XRRA1: variants seen among roughly 807,000 people sequenced by gnomAD.
XRRA1 encodes the protein X-ray radiation resistance-associated protein 1.
XRRA1 carries 69 observed loss-of-function variants against 80.2 expected under a neutral mutation model. The observed-to-expected ratio is 0.86, with a 90% confidence interval of 0.71 to 1.05. The LOEUF (loss-of-function observed/expected upper bound fraction) is 1.05, where lower values mean the gene tolerates loss of function less well. XRRA1 is among the 50% of genes least tolerant of loss of function. The probability of loss-of-function intolerance (pLI) is 0.00; values close to 1 mark genes in which losing one functional copy is unlikely to be tolerated. For synonymous variants in XRRA1, 348 were observed against 389.9 expected (o/e 0.89, Z 1.27); for missense variants, 967 against 976.4 (o/e 0.99, Z 0.13).
In XRRA1 at chr11:74,859,157, C is replaced by A; in HGVS notation, c.1170+1G>T. 6.3e-7 allele frequency: 1 copy of A among 1,593,470 alleles called. No individual in the cohort carries two copies. Among genetic ancestry groups the A allele is most frequent in the Non-Finnish European group, 8.5e-7 (1 of 1,174,064 alleles). ...TAAACAGGAGAGGAGCAGAAAGTCA[C>A]CTTGTTGTAGGCCAGGCTAAGGTAT... On this transcript the variant is annotated splice_donor_variant, in intron 12 of 18. Coordinates refer to ENST00000684022, the MANE Select transcript of XRRA1 (RefSeq NM_001378157.1). LOFTEE classifies it high-confidence loss of function.
At chr11:74,936,842 C>G in intron 4 of XRRA1, 42 bp downstream of exon 4, 2 of 1,581,950 alleles carry the variant, frequency 1.3e-6, no homozygotes, top group South Asian at 1.2e-5. Flanking sequence ...CCTCCCCACC[C>G]TAGCTGATGT....
At chr11:74,845,658 A>C (rs888967791) in intron 15 of XRRA1, among the ~76,000 whole-genome samples, 3 of 152,224 alleles carry the variant, frequency 2.0e-5, no homozygotes, top group Admixed American at 2.0e-4. Flanking sequence ...AGAGGTAAGA[A>C]ACATCAAGGT....
rs1178937807 is a variant in XRRA1 at position 74,937,021 on chromosome 11, GCTT to G, written c.139_141del (p.Lys47del). On this transcript the variant is annotated inframe_deletion, in exon 4 of 19. Transcript: ENST00000684022. Reference sequence around the variant, plus strand: ...GCTTGTGCTCCAACCAAACCCTTGGGCTTCTTCTTGAGGTTACCTTTCTGAACC... The same window carrying G: ...GCTTGTGCTCCAACCAAACCCTTGGGCTTCTTGAGGTTACCTTTCTGAACC... The G allele has an allele frequency of 6.2e-7, 1 of 1,613,864 alleles. No homozygotes were observed. The highest frequency in any genetic ancestry group is 8.5e-7 in the Non-Finnish European group (1 of 1,179,880).
chr11:74,911,449 C>T (rs560766261), intron 8 of XRRA1: 1 of 152,260 alleles, frequency 6.6e-6, no homozygotes, highest in South Asian at 2.1e-4. Context: ...TATTCTCCCC[C>T]TCATATATAA....
intron 10 of XRRA1, among the ~76,000 whole-genome samples, chr11:74,881,470 G>T (rs1445449812): frequency 0.017 from 2,558 of 148,020 alleles, 35 homozygotes; most frequent in African/African-American, 0.062. Flanking sequence ...TACATTTAAA[G>T]TTAATATTGT....
chr11:74,932,212 T>C (rs969430885), intron 5 of XRRA1, among the ~76,000 whole-genome samples: 87 of 152,338 alleles, frequency 5.7e-4, no homozygotes, highest in African/African-American at 2.0e-3. Flanking sequence ...TTTTGTTAGA[T>C]AGATATTTTT....
In XRRA1 at chr11:74,848,160, T is replaced by G. The variant is rs2038792455; in HGVS notation, c.1683A>C (p.Pro561=). ...CTGTGCTCTTGGAGTCCTCATCTGA[T>G]GGGCGCTCTGGGCTGAGGCGGACAG... is the stretch of plus-strand genomic sequence containing the variant. ...DTTVRLSPER[P]SDEDSKSTES... The change falls in exon 15 of 19, where the codon CCA becomes CCC. Residue 561 remains proline (P), a synonymous_variant. Coordinates refer to ENST00000684022, the MANE Select transcript of XRRA1 (RefSeq NM_001378157.1). 6.2e-7 allele frequency: 1 copy of G among 1,613,184 alleles called. No homozygotes were observed. The highest frequency in any genetic ancestry group is 1.7e-5 in the Admixed American group (1 of 60,004).
chr11:74,916,833 T>C (rs1179934280), intron 8 of XRRA1, among the ~76,000 whole-genome samples: 2 of 152,340 alleles, frequency 1.3e-5, no homozygotes, highest in African/African-American at 4.8e-5. Flanking sequence ...TGTTTGATTA[T>C]TGCAGGCTGT....
rs1565202953 is a variant in XRRA1, at chr11:74,843,316, T to C, written c.2287A>G (p.Thr763Ala). Residue 763 changes from threonine to alanine, a missense_variant, in exon 19 of 19, where the codon ACC (threonine) becomes GCC (alanine). Thr to Ala is a moderately conservative substitution (Grantham distance 58, BLOSUM62 0). Coordinates refer to ENST00000684022, the MANE Select transcript of XRRA1 (RefSeq NM_001378157.1). ...SGSLRTVFGT[T>A]PLPMACPALS... ...GCTGGGCAGGCCATGGGGAGCGGGG[T>C]AGTCCCGAACACTGTGCGCAGAGAG... is the stretch of plus-strand genomic sequence containing the variant. 1 of 1,605,454 alleles carries C rather than the reference T, an allele frequency of 6.2e-7. No homozygotes were observed. The highest frequency in any genetic ancestry group is 8.5e-7 in the Non-Finnish European group (1 of 1,176,270).
At chr11:74,850,798 G>C (rs2039616860) in intron 14 of XRRA1, 1 of 177,766 alleles carries the variant, frequency 5.6e-6, no homozygotes, top group African/African-American at 2.4e-5. Flanking sequence ...GGCCTCCAAA[G>C]TGCTGGGATT....
At position 74,841,935 on chromosome 11, in the gene XRRA1, A is replaced by G. The variant is rs1462393679; in HGVS notation, c.*1265T>C. 1 of 152,306 alleles carries G rather than the reference A, an allele frequency of 6.6e-6. No individual in the cohort carries two copies. Among genetic ancestry groups the G allele is most frequent in the Non-Finnish European group, 1.5e-5 (1 of 68,044 alleles). The allele number at this position is 152,306 out of a possible 1,614,324, so 9.4% of individuals were successfully genotyped here. A position where few individuals can be genotyped will look rare whatever the true frequency, so the allele number is the denominator to read the frequency against. ...GTATTACCAACGCTGAGCCTCCAGC[A>G]GAGCACTTAAAAGTCCTAGTGAGAG... On this transcript the variant is annotated 3_prime_UTR_variant, in exon 19 of 19. Coordinates refer to ENST00000684022, the MANE Select transcript of XRRA1 (RefSeq NM_001378157.1).
At chr11:74,885,330 T>C (rs1319791067) in intron 10 of XRRA1, among the ~76,000 whole-genome samples, 1 of 151,988 alleles carries the variant, frequency 6.6e-6, no homozygotes, top group Non-Finnish European at 1.5e-5. Context: ...AGATAGAGAC[T>C]GCTAGCTAGA....
chr11:74,886,350 C>T (rs2049012376), intron 10 of XRRA1, among the ~76,000 whole-genome samples: 1 of 152,174 alleles, frequency 6.6e-6, no homozygotes, highest in Non-Finnish European at 1.5e-5. Context: ...ATCTGATAAA[C>T]AACTTCAGCA....
intron 10 of XRRA1, among the ~76,000 whole-genome samples, chr11:74,864,417 C>T (rs552249516): frequency 1.2e-4 from 18 of 152,274 alleles, no homozygotes; most frequent in South Asian, 2.1e-4. Flanking sequence ...ATTCCACACC[C>T]GCCCACAGTC....
Position 74,936,826 on chromosome 11 carries a change from C to T in XRRA1, c.279+58G>A, listed in dbSNP as rs1299437909. 2.6e-6 allele frequency: 4 copies of T among 1,537,064 alleles called. No individual in the cohort carries two copies. The African/African-American group carries it at 5.5e-5, about 21-fold the overall frequency. On this transcript the variant is annotated intron_variant, in intron 4 of 18. Transcript: ENST00000684022. ...GTGCCAGAGCAGGGCAAATCCTTCC[C>T]CACTTCCTCCCCACCCTAGCTGATG... is the stretch of plus-strand genomic sequence containing the variant.
intron 9 of XRRA1, 184 bp downstream of exon 9, chr11:74,906,961 T>C (rs2054734405): frequency 2.9e-6 from 2 of 701,100 alleles, no homozygotes; most frequent in South Asian, 2.1e-5. Context: ...TCCTCACTCA[T>C]GGCCATTTTT....
intron 5 of XRRA1, chr11:74,933,424 T>C (rs1199865005): frequency 6.1e-6 from 1 of 162,726 alleles, no homozygotes; most frequent in Non-Finnish European, 1.3e-5. Context: ...GCTTGGCTGA[T>C]TTTTTGTATT....
chr11:74,895,991 G>C (rs2052208178), intron 10 of XRRA1, among the ~76,000 whole-genome samples: 1 of 152,182 alleles, frequency 6.6e-6, no homozygotes, highest in Admixed American at 6.5e-5. Context: ...GTTGACTAAA[G>C]AGCCCTTCGG....
At chr11:74,906,165 A>C (rs2054539319) in intron 10 of XRRA1, 74 bp downstream of exon 10, 1 of 1,404,778 alleles carries the variant, frequency 7.1e-7, no homozygotes, top group African/African-American at 1.4e-5. Flanking sequence ...ACCAAGTGAG[A>C]CTTTCAGAAT....
Sources: allele counts gnomAD v4.1 joint callset (sites outside exome capture counted in the v4.1 genomes callset), GRCh38; gene constraint gnomAD v4.1.1; transcripts MANE v1.5; gene names NCBI Gene and HGNC (gene_info 2026-07-23, HGNC 2026-07-21).